The following TAFA1 variants were observed in gnomAD, a reference collection of about 807,000 sequenced individuals.
The protein encoded by TAFA1 is TAFA chemokine like family member 1, also known as chemokine-like protein TAFA-1.
Under a neutral mutation model 18.5 loss-of-function variants are expected in TAFA1, and 4 were observed. That is an observed-to-expected ratio of 0.22 (90% CI 0.11 to 0.49). The LOEUF is 0.49. Among genes scored for constraint, TAFA1 ranks in the 20% least tolerant of loss-of-function variants. The probability of loss-of-function intolerance (pLI) is 0.98; values close to 1 mark genes in which losing one functional copy is unlikely to be tolerated. For missense variants in TAFA1, 147 were observed against 169.0 expected, an observed-to-expected ratio of 0.87 and a Z score of 0.72; for synonymous variants, 56 against 55.2, an observed-to-expected ratio of 1.01 and a Z score of -0.06.
chr3:68,330,566 T>G (rs2068850067), intron 2 of TAFA1, among the ~76,000 whole-genome samples: 1 of 152,214 alleles, frequency 6.6e-6, no homozygotes. Context: ...TTATCACACT[T>G]AATCCCCAAA....
At chr3:68,419,911 T>C (rs1321087660) in intron 3 of TAFA1, among the ~76,000 whole-genome samples, 7 of 152,206 alleles carry the variant, frequency 4.6e-5, no homozygotes, top group Non-Finnish European at 7.4e-5. Context: ...GTCATCTCAT[T>C]TTCTTTGTTC....
intron 2 of TAFA1, among the ~76,000 whole-genome samples, chr3:68,267,609 A>G (rs2067572914): frequency 6.6e-6 from 1 of 152,026 alleles, no homozygotes; most frequent in African/African-American, 2.4e-5. Context: ...AAGATAACTG[A>G]TTATGTTGAT....
chr3:68,446,553 T>C (rs552562682), intron 3 of TAFA1, among the ~76,000 whole-genome samples: 25 of 152,278 alleles, frequency 1.6e-4, no homozygotes, highest in South Asian at 6.2e-4. Flanking sequence ...TGTCATTAAA[T>C]AATAAAAATT....
intron 2 of TAFA1, among the ~76,000 whole-genome samples, chr3:68,276,800 G>A (rs57759519): frequency 0.017 from 2,610 of 152,132 alleles, 86 homozygotes; most frequent in East Asian, 0.13. Flanking sequence ...AATAGTTTGT[G>A]GAGGGAGGGA....
intron 2 of TAFA1, among the ~76,000 whole-genome samples, chr3:68,353,461 A>C (rs1464701685): frequency 6.6e-6 from 1 of 152,058 alleles, no homozygotes; most frequent in East Asian, 1.9e-4. Context: ...CTCTAGTAGT[A>C]ATTTTTATTT....
At chr3:68,415,317 C>A (rs2070809637) in intron 2 of TAFA1, among the ~76,000 whole-genome samples, 1 of 152,158 alleles carries the variant, frequency 6.6e-6, no homozygotes, top group African/African-American at 2.4e-5. Flanking sequence ...ACAACCTTGA[C>A]CCCAGTCAAG....
At chr3:68,456,572 G>C (rs772898161) in intron 3 of TAFA1, among the ~76,000 whole-genome samples, 6 of 152,028 alleles carry the variant, frequency 3.9e-5, no homozygotes, top group African/African-American at 7.2e-5. Flanking sequence ...ATTTCTCCAG[G>C]TTTAGATCTT....
At chr3:68,202,934 A>C (rs550870849) in intron 2 of TAFA1, among the ~76,000 whole-genome samples, 1 of 151,616 alleles carries the variant, frequency 6.6e-6, no homozygotes, top group Admixed American at 6.6e-5. Flanking sequence ...TTTTAAATAG[A>C]GTTTCTGACC....
intron 2 of TAFA1, among the ~76,000 whole-genome samples, chr3:68,299,533 TA>T (rs1262552030): frequency 6.6e-6 from 1 of 152,182 alleles, no homozygotes; most frequent in Non-Finnish European, 1.5e-5. Context: ...CAATAGAAAG[TA>T]AAAACCCATT....
intron 2 of TAFA1, among the ~76,000 whole-genome samples, chr3:68,046,671 A>G (rs570940325): frequency 2.0e-5 from 3 of 152,182 alleles, no homozygotes; most frequent in Non-Finnish European, 2.9e-5. Flanking sequence ...TTTAATTCAC[A>G]TAACACTTTA....
chr3:68,091,128 A>G (rs2065025274), intron 2 of TAFA1, among the ~76,000 whole-genome samples: 1 of 152,162 alleles, frequency 6.6e-6, no homozygotes, highest in Admixed American at 6.5e-5. Flanking sequence ...GATTTACCCT[A>G]TAAAATGACA....
chr3:68,335,221 C>G (rs17047539), intron 2 of TAFA1, among the ~76,000 whole-genome samples: 3,949 of 152,190 alleles, frequency 0.026, 155 homozygotes, highest in African/African-American at 0.083. Context: ...GAATTTGCAG[C>G]TGAAAGGAAT....
intron 3 of TAFA1, among the ~76,000 whole-genome samples, chr3:68,445,378 C>T (rs533510692): frequency 5.9e-5 from 9 of 152,112 alleles, no homozygotes; most frequent in Non-Finnish European, 1.3e-4. Flanking sequence ...TAGAATTCAG[C>T]ACTGAAGGAT....
intron 2 of TAFA1, among the ~76,000 whole-genome samples, chr3:68,073,499 T>C (rs559271926): frequency 1.3e-5 from 2 of 152,304 alleles, no homozygotes; most frequent in Admixed American, 1.3e-4. Flanking sequence ...AACATAAACA[T>C]AAGAATAAAT....
intron 2 of TAFA1, among the ~76,000 whole-genome samples, chr3:68,158,008 A>G (rs1177419754): frequency 6.6e-6 from 1 of 152,158 alleles, no homozygotes; most frequent in East Asian, 1.9e-4. Context: ...CCAGAGATCA[A>G]TAGCTTTCTC....
At chr3:68,210,214 T>C (rs1051929693) in intron 2 of TAFA1, among the ~76,000 whole-genome samples, 2 of 152,050 alleles carry the variant, frequency 1.3e-5, no homozygotes, top group African/African-American at 2.4e-5. Flanking sequence ...ATCTAACTTA[T>C]AAGGCTTCAT....
At chr3:68,392,330 A>C (rs1358632552) in intron 2 of TAFA1, among the ~76,000 whole-genome samples, 4 of 152,162 alleles carry the variant, frequency 2.6e-5, no homozygotes, top group Non-Finnish European at 5.9e-5. Context: ...ATAAATACGC[A>C]TCCAATACAG....
intron 2 of TAFA1, among the ~76,000 whole-genome samples, chr3:68,389,953 T>C (rs2070192910): frequency 6.6e-6 from 1 of 152,132 alleles, no homozygotes; most frequent in South Asian, 2.1e-4. Context: ...GACACTGAGC[T>C]AGCTGCAGGA....
intron 2 of TAFA1, among the ~76,000 whole-genome samples, chr3:68,363,444 T>C (rs2069509844): frequency 6.6e-6 from 1 of 152,144 alleles, no homozygotes; most frequent in Non-Finnish European, 1.5e-5. Context: ...TCCCACTTGA[T>C]AGATGAAAAC....
Sources: allele counts gnomAD v4.1 joint callset (sites outside exome capture counted in the v4.1 genomes callset), GRCh38; gene constraint gnomAD v4.1.1; transcripts MANE v1.5; gene names NCBI Gene and HGNC (gene_info 2026-07-23, HGNC 2026-07-21).